The following HSPA4 variants were observed in gnomAD, a reference collection of about 807,000 sequenced individuals.
HSPA4 encodes heat shock 70 kDa protein 4.
In HSPA4, 25 loss-of-function variants were observed where a neutral mutation model predicts 106.2. The ratio of observed to expected loss-of-function variants is 0.24; its 90% CI spans 0.17 to 0.33. The LOEUF (loss-of-function observed/expected upper bound fraction) is 0.33. Ranked by LOEUF, HSPA4 falls within the 10% of genes least tolerant of loss-of-function variation. The pLI is 1.00. For missense variants in HSPA4, 841 were observed against 996.0 expected, an observed-to-expected ratio of 0.84 and a Z score of 2.10; for synonymous variants, 332 against 333.6, an observed-to-expected ratio of 1.00 and a Z score of 0.05.
At chr5:133,069,512 A>G (rs1406829882) in intron 3 of HSPA4, among the ~76,000 whole-genome samples, 1 of 152,086 alleles carries the variant, frequency 6.6e-6, no homozygotes, top group African/African-American at 2.4e-5. Flanking sequence ...CAGCCTCCCA[A>G]AATGCTGGGA....
At chr5:133,071,175 A>G (rs147105880) in intron 4 of HSPA4, among the ~76,000 whole-genome samples, 2 of 151,704 alleles carry the variant, frequency 1.3e-5, no homozygotes, top group East Asian at 2.0e-4. Flanking sequence ...AGCGTTAAAG[A>G]CAAAGGCAAG....
chr5:133,103,691 T>C (rs990726562), intron 17 of HSPA4, among the ~76,000 whole-genome samples, 174 bp from the exon 18 acceptor site: 12 of 152,238 alleles, frequency 7.9e-5, no homozygotes, highest in Non-Finnish European at 1.5e-4. Flanking sequence ...CCTGAGTGTA[T>C]TCAAAAATTG....
At chr5:133,059,167 G>C (rs1415110934) in intron 1 of HSPA4, among the ~76,000 whole-genome samples, 1 of 150,568 alleles carries the variant, frequency 6.6e-6, no homozygotes, top group East Asian at 2.0e-4. Context: ...AATAAAAGAG[G>C]CTGGGTGTGG....
chr5:133,088,950 T>A, intron 9 of HSPA4, 105 bp from the exon 10 acceptor site: 1 of 566,524 alleles, frequency 1.8e-6, no homozygotes, highest in Non-Finnish European at 3.0e-6. Context: ...ATAAATATTT[T>A]AAAAAGACCA....
chr5:133,073,131 T>C (rs750672506), intron 4 of HSPA4, 99 bp from the exon 5 acceptor site: 49 of 688,626 alleles, frequency 7.1e-5, no homozygotes, highest in Admixed American at 3.8e-4. Context: ...CTTGATCATA[T>C]ACAGAATAAA....
intron 8 of HSPA4, among the ~76,000 whole-genome samples, chr5:133,087,573 T>TA (rs1765592981): frequency 6.6e-6 from 1 of 152,232 alleles, no homozygotes. Context: ...GATCCTTTGA[T>TA]ACACACCTTC....
At chr5:133,098,805 T>G (rs931875990) in intron 15 of HSPA4, among the ~76,000 whole-genome samples, 2 of 152,086 alleles carry the variant, frequency 1.3e-5, no homozygotes, top group African/African-American at 4.8e-5. Flanking sequence ...CCCTAGTAGC[T>G]GGGACTACAG....
intron 1 of HSPA4, among the ~76,000 whole-genome samples, chr5:133,053,595 C>T (rs563696044): frequency 6.6e-6 from 1 of 152,262 alleles, no homozygotes; most frequent in Non-Finnish European, 1.5e-5. Context: ...AGCAGTCCTC[C>T]AGCCTCGGCC....
At chr5:133,084,512 C>T (rs1057179485) in intron 7 of HSPA4, among the ~76,000 whole-genome samples, 2 of 152,078 alleles carry the variant, frequency 1.3e-5, no homozygotes, top group African/African-American at 4.8e-5. Context: ...CTCTTTTCGT[C>T]CAGGTTGGAG....
At position 133,090,916 on chromosome 5, in the gene HSPA4, A is replaced by G. The variant is rs560974383; in HGVS notation, c.1379-277A>G. Among the ~76,000 whole-genome samples, 14 of 152,334 alleles carry G rather than the reference A, an allele frequency of 9.2e-5. No homozygotes were observed. In the South Asian group the frequency reaches 2.3e-3, roughly 25 times the overall value. On this transcript the variant is annotated intron_variant, in intron 11 of 18. Coordinates refer to ENST00000304858, the MANE Select transcript of HSPA4 (RefSeq NM_002154.4). ...TTAGGAATTAATCTGAAAGTAGCAT[A>G]TAAAGATAAATGGAAATAAGAAATT...
intron 3 of HSPA4, 135 bp from the exon 4 acceptor site, chr5:133,070,239 C>T (rs76431432): frequency 2.9e-6 from 2 of 679,756 alleles, no homozygotes; most frequent in Non-Finnish European, 4.7e-6. Context: ...CGAAAACTAG[C>T]TTTTTTTTTT....
In HSPA4 at chr5:133,091,239, T is replaced by G; in HGVS notation, c.1425T>G (p.Ser475Arg). 6.2e-7 allele frequency: 1 copy of G among 1,614,146 alleles called. No homozygotes were observed. Among genetic ancestry groups the G allele is most frequent in the Non-Finnish European group, 8.5e-7 (1 of 1,179,988 alleles). ...QKVTPQSDGS[S>R]SKVKVKVRVN... ...TCACTCCTCAGTCTGATGGCTCCAG[T>G]TCAAAAGTGAAAGTCAAAGTTCGAG... The change falls in exon 12 of 19, where the codon AGT (serine) becomes AGG (arginine). Residue 475 changes from serine (S) to arginine (R), a missense_variant. By Grantham distance (110) the Ser-to-Arg change is moderately radical. Around this residue, in one of 5 missense-constraint regions of HSPA4, gnomAD observed 162 missense variants for 177.7 expected, o/e 0.91. Transcript: ENST00000304858.
intron 8 of HSPA4, 65 bp from the exon 9 acceptor site, chr5:133,088,339 A>G (rs2126710349): frequency 2.5e-6 from 3 of 1,190,532 alleles, no homozygotes; most frequent in Non-Finnish European, 3.6e-6. Context: ...GAGTTATTTC[A>G]TCATGGTAAG....
At chr5:133,078,607 C>A (rs1432626368) in intron 7 of HSPA4, among the ~76,000 whole-genome samples, 1 of 127,646 alleles carries the variant, frequency 7.8e-6, no homozygotes, top group Non-Finnish European at 1.6e-5. Context: ...TGTACTCTAG[C>A]TTGGGCAACA....
chr5:133,104,577 A>T lies in HSPA4; in HGVS notation c.*141A>T. 1.5e-6 allele frequency: 1 copy of T among 675,404 alleles called. No individual in the cohort carries two copies. The highest frequency in any genetic ancestry group is 2.5e-6 in the Non-Finnish European group (1 of 394,980). The allele number at this position is 675,404 out of a possible 1,614,324, so 41.8% of individuals were successfully genotyped here. A position where few individuals can be genotyped will look rare whatever the true frequency, so the allele number is the denominator to read the frequency against. ...GATTTTCGGGGAGGGGAAATAGGTA[A>T]TGTATGGAGCATTTTCACTTCTAAA... On this transcript the variant is annotated 3_prime_UTR_variant, in exon 19 of 19. Transcript: ENST00000304858.
At chr5:133,058,819 C>T (rs1242415465) in intron 1 of HSPA4, among the ~76,000 whole-genome samples, 7 of 151,906 alleles carry the variant, frequency 4.6e-5, no homozygotes, top group Admixed American at 4.6e-4. Context: ...ATGGCGAAAC[C>T]CCATCTCTAC....
intron 11 of HSPA4, among the ~76,000 whole-genome samples, chr5:133,089,953 A>AC (rs767027481): frequency 2.6e-5 from 4 of 151,976 alleles, no homozygotes; most frequent in Admixed American, 6.6e-5. Context: ...GCAAAAGAAA[A>AC]CCTCTTCCAG....
At position 133,055,307 on chromosome 5, in the gene HSPA4, A is replaced by ATTTTTTT. The variant is rs397999293; in HGVS notation, c.107+2975_107+2981dup. Among the ~76,000 whole-genome samples the ATTTTTTT allele has an allele frequency of 3.0e-4, 18 of 60,104 alleles. 1 individual carries two copies. Among genetic ancestry groups the ATTTTTTT allele is most frequent in the South Asian group, 7.1e-4 (1 of 1,404 alleles). The allele number at this position is 60,104 out of a possible 152,430, so 39.4% of individuals were successfully genotyped here. ...ATAGAAAATGGTAGCAGGAAGGTTG[A>ATTTTTTT]TTTTTTTTTTTTTTTTTTTTTTTTT... On this transcript the variant is annotated intron_variant, in intron 1 of 18. Transcript: ENST00000304858.
chr5:133,052,425 C>T (rs1288729425), intron 1 of HSPA4, 68 bp downstream of exon 1: 1 of 1,109,684 alleles, frequency 9.0e-7, no homozygotes, highest in Non-Finnish European at 1.3e-6. Flanking sequence ...GTCTGGGACC[C>T]TCGCTGCTTG....
Sources: allele counts gnomAD v4.1 joint callset (sites outside exome capture counted in the v4.1 genomes callset), GRCh38; gene constraint gnomAD v4.1.1; regional missense constraint gnomAD v4.1.1; transcripts MANE v1.5; gene names NCBI Gene and HGNC (gene_info 2026-07-23, HGNC 2026-07-21).